Variants in LRRTM4 observed in about 807,000 individuals in gnomAD.
LRRTM4 encodes the protein leucine-rich repeat transmembrane neuronal protein 4.
In LRRTM4, 25 loss-of-function variants were observed where a neutral mutation model predicts 47.6. The ratio of observed to expected loss-of-function variants is 0.53; its 90% confidence interval spans 0.38 to 0.73. The LOEUF (loss-of-function observed/expected upper bound fraction) is 0.73. LRRTM4 is among the 30% of genes least tolerant of loss of function. LRRTM4 has a pLI of 0.00. For missense variants in LRRTM4, 638 were observed against 713.4 expected (o/e 0.89, Z 1.20); for synonymous variants, 311 against 269.5 (o/e 1.15, Z -1.51).
chr2:77,075,494 A>C (rs375273115), intron 3 of LRRTM4, among the ~76,000 whole-genome samples: 2 of 152,314 alleles, frequency 1.3e-5, no homozygotes, highest in East Asian at 1.9e-4. Context: ...AGCAATACTA[A>C]TACTACTACT....
chr2:76,916,371 C>G (rs1315398105), intron 3 of LRRTM4, among the ~76,000 whole-genome samples: 1 of 104,336 alleles, frequency 9.6e-6, no homozygotes, highest in Admixed American at 1.5e-4. Context: ...GGCGACAGAG[C>G]GAGACTGTGT....
At chr2:76,750,891 G>A (rs1228698198) in intron 3 of LRRTM4, among the ~76,000 whole-genome samples, 1 of 152,128 alleles carries the variant, frequency 6.6e-6, no homozygotes, top group Non-Finnish European at 1.5e-5. Flanking sequence ...TTAGATTAAA[G>A]CAATGTTTTC....
intron 3 of LRRTM4, among the ~76,000 whole-genome samples, chr2:77,289,587 GT>G (rs921443243): frequency 1.3e-5 from 2 of 150,910 alleles, no homozygotes; most frequent in Non-Finnish European, 3.0e-5. Flanking sequence ...TATGTTAGTG[GT>G]TTTTTTTTAG....
chr2:76,915,603 C>G (rs569396416), intron 3 of LRRTM4, among the ~76,000 whole-genome samples: 1 of 151,898 alleles, frequency 6.6e-6, no homozygotes, highest in African/African-American at 2.4e-5. Flanking sequence ...TTTTATTATT[C>G]TTTTACCAAG....
chr2:77,178,677 A>G (rs1033002228), intron 3 of LRRTM4, among the ~76,000 whole-genome samples: 33 of 152,136 alleles, frequency 2.2e-4, no homozygotes, highest in African/African-American at 8.0e-4. Context: ...GTGTGTAAAA[A>G]CTTTTCTTAT....
Position 77,291,803 on chromosome 2 carries a change from A to C in LRRTM4, c.1551+226515T>G, listed in dbSNP as rs553976731. Among the ~76,000 whole-genome samples the C allele has an allele frequency of 2.5e-4, 37 of 150,932 alleles. No individual in the cohort carries two copies. In the South Asian group the frequency reaches 7.7e-3, roughly 31 times the overall value. ...ACTTCTCTAAAACACATCATGTCTAAAACACCAAAAGCAATGGCAACAAAA... is the reference window on the plus strand; with the variant it reads ...ACTTCTCTAAAACACATCATGTCTACAACACCAAAAGCAATGGCAACAAAA... On this transcript the variant is annotated intron_variant, in intron 3 of 3. Transcript: ENST00000409884.
intron 3 of LRRTM4, 36 bp downstream of exon 3, chr2:77,518,282 C>A (rs1269130652): frequency 6.5e-7 from 1 of 1,531,706 alleles, no homozygotes; most frequent in Admixed American, 2.1e-5. Flanking sequence ...TCCTTCCCCG[C>A]AGTAGAAATG....
At chr2:76,851,755 G>GTTTTTTTTTTTTTTTTTTTTTTCT (rs34184474) in intron 3 of LRRTM4, among the ~76,000 whole-genome samples, 1 of 117,744 alleles carries the variant, frequency 8.5e-6, no homozygotes. Context: ...ACTTTTATTC[G>GTTTTTTTTTTTTTTTTTTTTTTCT]TTTTTTTTTT....
chr2:76,838,661 G>A (rs1282681451), intron 3 of LRRTM4, among the ~76,000 whole-genome samples: 3 of 151,968 alleles, frequency 2.0e-5, no homozygotes, highest in African/African-American at 7.2e-5. Context: ...GGTACAGCCA[G>A]TTTCTTTTCT....
chr2:77,114,714 G>A (rs766724067), intron 3 of LRRTM4, among the ~76,000 whole-genome samples: 1 of 152,124 alleles, frequency 6.6e-6, no homozygotes, highest in Non-Finnish European at 1.5e-5. Context: ...GCCTCCGGGG[G>A]TGTCATCACA....
chr2:77,403,167 C>T (rs951748284), intron 3 of LRRTM4, among the ~76,000 whole-genome samples: 3 of 151,896 alleles, frequency 2.0e-5, no homozygotes, highest in African/African-American at 7.2e-5. Flanking sequence ...ATGTAAAGTA[C>T]CTAATCTGAC....
At chr2:76,933,810 T>C (rs1007172469) in intron 3 of LRRTM4, among the ~76,000 whole-genome samples, 2 of 152,126 alleles carry the variant, frequency 1.3e-5, no homozygotes, top group Non-Finnish European at 2.9e-5. Context: ...CTGGGTATTA[T>C]TCATTAGCCC....
intron 3 of LRRTM4, among the ~76,000 whole-genome samples, chr2:77,376,069 C>T (rs1258441424): frequency 6.6e-6 from 1 of 151,816 alleles, no homozygotes; most frequent in Non-Finnish European, 1.5e-5. Flanking sequence ...TATCTTGCTA[C>T]AGTTGTCTTT....
chr2:76,914,579 A>T (rs570987359), intron 3 of LRRTM4, among the ~76,000 whole-genome samples: 1 of 152,296 alleles, frequency 6.6e-6, no homozygotes, highest in Admixed American at 6.5e-5. Flanking sequence ...GTGTCAACTT[A>T]AAAAGCTGAG....
intron 3 of LRRTM4, among the ~76,000 whole-genome samples, chr2:77,253,195 A>G (rs1400589165): frequency 6.6e-6 from 1 of 152,180 alleles, no homozygotes; most frequent in African/African-American, 2.4e-5. Flanking sequence ...CATAAAAAAT[A>G]TAAATAAATA....
chr2:77,410,850 T>C (rs778977969), intron 3 of LRRTM4, among the ~76,000 whole-genome samples: 56 of 152,182 alleles, frequency 3.7e-4, no homozygotes, highest in Admixed American at 3.1e-3. Flanking sequence ...CTCAAGGTGA[T>C]TCTGTTACAT....
chr2:77,145,223 G>GTA (rs953146458), intron 3 of LRRTM4, among the ~76,000 whole-genome samples: 3 of 149,272 alleles, frequency 2.0e-5, no homozygotes, highest in South Asian at 2.1e-4. Flanking sequence ...GTGTGTGTGT[G>GTA]TATATCTCAT....
intron 3 of LRRTM4, among the ~76,000 whole-genome samples, chr2:77,450,285 GCACA>G (rs138889433): frequency 1.3e-4 from 19 of 143,974 alleles, no homozygotes; most frequent in East Asian, 4.0e-4. Context: ...TCTCTGTCAT[GCACA>G]CACACACACA....
At chr2:77,230,325 C>G (rs1209401124) in intron 3 of LRRTM4, among the ~76,000 whole-genome samples, 1 of 151,958 alleles carries the variant, frequency 6.6e-6, no homozygotes, top group African/African-American at 2.4e-5. Context: ...GGGCATACAC[C>G]ATACACATAG....
Sources: allele counts gnomAD v4.1 joint callset (sites outside exome capture counted in the v4.1 genomes callset), GRCh38; gene constraint gnomAD v4.1.1; transcripts MANE v1.5; gene names NCBI Gene and HGNC (gene_info 2026-07-23, HGNC 2026-07-21).